Variants in PIP5K1C observed in about 807,000 individuals in gnomAD.
PIP5K1C encodes phosphatidylinositol-4-phosphate 5-kinase type 1 gamma.
PIP5K1C carries 45 observed loss-of-function variants against 80.1 expected under a neutral mutation model. The ratio of observed to expected loss-of-function variants is 0.56; its 90% confidence interval spans 0.44 to 0.72. The LOEUF (loss-of-function observed/expected upper bound fraction) is 0.72. Ranked by LOEUF, PIP5K1C falls within the 30% of genes least tolerant of loss-of-function variation. PIP5K1C has a pLI of 0.00. For missense variants in PIP5K1C, 753 were observed against 954.6 expected, an observed-to-expected ratio of 0.79 and a Z score of 2.78; for synonymous variants, 498 against 420.1, an observed-to-expected ratio of 1.19 and a Z score of -2.27.
At chr19:3,680,173 A>AT (rs1175166221) in intron 1 of PIP5K1C, among the ~76,000 whole-genome samples, 1 of 152,082 alleles carries the variant, frequency 6.6e-6, no homozygotes, top group Non-Finnish European at 1.5e-5. Flanking sequence ...GTGTCAGGTG[A>AT]TTGTCTGTTG....
chr19:3,696,773 T>A lies in PIP5K1C; in HGVS notation c.94+3524A>T, dbSNP rs2036120667. The stretch of plus-strand genomic sequence containing the variant: ...AGGGCAGGGAGGGCCCGGGGCAGGC[T>A]GTGCAGGGCCTGATGGGCTTCAAAG... On this transcript the variant is annotated intron_variant, in intron 1 of 17. Coordinates refer to ENST00000335312, the MANE Select transcript of PIP5K1C (RefSeq NM_012398.3). The surrounding 1 kb of genome is among the most constrained non-coding windows in gnomAD (Gnocchi z 4.1). Among the ~76,000 whole-genome samples the A allele has an allele frequency of 6.6e-6, 1 of 151,448 alleles. No individual in the cohort carries two copies.
Position 3,700,289 on chromosome 19 carries a change from G to T in PIP5K1C, c.94+8C>A. 1 of 1,268,702 alleles carries T rather than the reference G, an allele frequency of 7.9e-7. No homozygotes were observed. 78.6% of individuals were successfully genotyped at this position (1,268,702 alleles called of 1,614,324 possible). A position where few individuals can be genotyped will look rare whatever the true frequency, so the allele number is the denominator to read the frequency against. ...GCGGGCCGCAGCCCCGGGAGGCCGG[G>T]CCGTTACCTGCCGCCGCCCCGCTCT... On this transcript the variant is annotated splice_region_variant and intron_variant, in intron 1 of 17. Coordinates refer to ENST00000335312, the MANE Select transcript of PIP5K1C (RefSeq NM_012398.3).
rs780976501 is a variant in PIP5K1C, at chr19:3,633,444, C to T, written c.1997G>A (p.Ser666Asn). The change falls in exon 17 of 18, where the codon AGC (serine) becomes AAC (asparagine). Residue 666 changes from serine to asparagine, a missense_variant. Ser to Asn is a conservative substitution (Grantham distance 46). Transcript: ENST00000335312. The part of the protein sequence containing the change: ...AQAPPASDGE[S>N]DT ...CACCTGGGCTGCACTTACTGTGTCG[C>T]TCTCGCCGTCGGAGGCCGGGGGGGC... 54 of 1,497,952 alleles carry T rather than the reference C, an allele frequency of 3.6e-5. No individual in the cohort carries two copies. The South Asian group carries it at 5.8e-4, about 16-fold the overall frequency. 92.8% of individuals were successfully genotyped at this position (1,497,952 alleles called of 1,614,324 possible).
rs1407315353 is a variant in PIP5K1C at position 3,637,840 on chromosome 19, C to CA, written c.1920+1043dup. On this transcript the variant is annotated intron_variant, in intron 16 of 17. Coordinates refer to ENST00000335312, the MANE Select transcript of PIP5K1C (RefSeq NM_012398.3). This position sits in a 1 kb window ranked among gnomAD's most constrained non-coding sequence, Gnocchi z 7.0. ...GGCAGGGCATCAGGACACAGACACA[C>CA]AGCACGACATGGCCCCCAGGCCCCC... The CA allele has an allele frequency of 6.5e-7, 1 of 1,535,262 alleles. No homozygotes were observed. Among genetic ancestry groups the CA allele is most frequent in the East Asian group, 2.4e-5 (1 of 40,914 alleles).
rs956846454 is a variant in PIP5K1C at position 3,696,188 on chromosome 19, C to A, written c.94+4109G>T. Among the ~76,000 whole-genome samples, 8 of 152,248 alleles carry A rather than the reference C, an allele frequency of 5.3e-5. No homozygotes were observed. The highest frequency in any genetic ancestry group is 1.9e-4 in the African/African-American group (8 of 41,458). ...CTCTTCCTGCCCAATGCCCACAGGT[C>A]TCCCTCGGATGCCACCTTCTTGGCA... On this transcript the variant is annotated intron_variant, in intron 1 of 17. Coordinates refer to ENST00000335312, the MANE Select transcript of PIP5K1C (RefSeq NM_012398.3). The surrounding 1 kb of genome is among the most constrained non-coding windows in gnomAD (Gnocchi z 4.1).
In PIP5K1C at chr19:3,648,348, C is replaced by T. The variant is rs2034314356; in HGVS notation, c.1211+277G>A. Reference sequence around the variant, plus strand: ...ACTCTAGATTTTCAAGGCGACCAAACACCTTCCCTTTAGGGCTCAAGAAGG... The same window carrying T: ...ACTCTAGATTTTCAAGGCGACCAAATACCTTCCCTTTAGGGCTCAAGAAGG... On this transcript the variant is annotated intron_variant, in intron 9 of 17. Coordinates refer to ENST00000335312, the MANE Select transcript of PIP5K1C (RefSeq NM_012398.3). This position sits in a 1 kb window ranked among gnomAD's most constrained non-coding sequence, Gnocchi z 4.3. Among the ~76,000 whole-genome samples the T allele has an allele frequency of 6.6e-6, 1 of 152,210 alleles. No individual in the cohort carries two copies. The highest frequency in any genetic ancestry group is 1.5e-5 in the Non-Finnish European group (1 of 68,034).
intron 11 of PIP5K1C, among the ~76,000 whole-genome samples, chr19:3,645,074 T>C (rs1015610104): frequency 2.8e-4 from 42 of 152,288 alleles, no homozygotes; most frequent in African/African-American, 9.6e-4. Context: ...ACGGTGTTGA[T>C]GAGAGGGGGT....
At chr19:3,700,209 G>T in intron 1 of PIP5K1C, 88 bp downstream of exon 1, 1 of 750,174 alleles carries the variant, frequency 1.3e-6, no homozygotes, top group Non-Finnish European at 1.7e-6. Flanking sequence ...CAGCGACCGT[G>T]CAGCCCCCGC....
At chr19:3,689,154 G>C (rs2035868199) in intron 1 of PIP5K1C, among the ~76,000 whole-genome samples, 2 of 152,154 alleles carry the variant, frequency 1.3e-5, no homozygotes. Flanking sequence ...GCCTCCCAAA[G>C]TGCTGGGATT....
At chr19:3,679,183 GAA>G (rs2035511598) in intron 1 of PIP5K1C, among the ~76,000 whole-genome samples, 2 of 152,084 alleles carry the variant, frequency 1.3e-5, no homozygotes, top group Non-Finnish European at 2.9e-5. Context: ...TTCAAGCTCT[GAA>G]GAAACACGGT....
intron 1 of PIP5K1C, among the ~76,000 whole-genome samples, chr19:3,685,513 G>A (rs1391683120): frequency 6.6e-6 from 1 of 152,008 alleles, no homozygotes; most frequent in African/African-American, 2.4e-5. Context: ...GGCGGATCAC[G>A]AGGTCAGGAG....
At position 3,648,688 on chromosome 19, in the gene PIP5K1C, A is replaced by G. The variant is rs1489575349; in HGVS notation, c.1148T>C (p.Val383Ala). The G allele has an allele frequency of 1.2e-6, 2 of 1,612,954 alleles. No homozygotes were observed. The highest frequency in any genetic ancestry group is 2.2e-5 in the South Asian group (2 of 91,082). Residue 383 changes from valine to alanine, a missense_variant, in exon 9 of 18, where the codon GTG becomes GCG. Around this residue, in one of 6 missense-constraint regions of PIP5K1C, gnomAD observed 114 missense variants for 152.4 expected, o/e 0.75. Transcript: ENST00000335312. This position sits in a 1 kb window ranked among gnomAD's most constrained non-coding sequence, Gnocchi z 4.3. The stretch of plus-strand genomic sequence containing the variant: ...CAGCAGCCGCTCCCCGCGGCCGTTC[A>G]CAGCGGGGATCCCGCCCATCCTGGG... Reference protein sequence around the residue: ...SDDTMGGIPAVNGRGERLLLH... With the variant: ...SDDTMGGIPAANGRGERLLLH...
intron 1 of PIP5K1C, among the ~76,000 whole-genome samples, chr19:3,685,792 T>C (rs2035742322): frequency 6.6e-6 from 1 of 151,960 alleles, no homozygotes; most frequent in Non-Finnish European, 1.5e-5. Context: ...ATTGTCTGGC[T>C]CCTTAAGTGC....
chr19:3,648,329 G>T lies in PIP5K1C; in HGVS notation c.1211+296C>A, dbSNP rs147446863. On this transcript the variant is annotated intron_variant, in intron 9 of 17. Transcript: ENST00000335312. This position sits in a 1 kb window ranked among gnomAD's most constrained non-coding sequence, Gnocchi z 4.3. ...GGACCACTACGCCCAACTCACTCTA[G>T]ATTTTCAAGGCGACCAAACACCTTC... Among the ~76,000 whole-genome samples the T allele has an allele frequency of 6.6e-6, 1 of 152,306 alleles. No homozygotes were observed. Among genetic ancestry groups the T allele is most frequent in the Non-Finnish European group, 1.5e-5 (1 of 68,030 alleles).
At chr19:3,698,445 A>C (rs1412001655) in intron 1 of PIP5K1C, among the ~76,000 whole-genome samples, 1 of 152,124 alleles carries the variant, frequency 6.6e-6, no homozygotes, top group Non-Finnish European at 1.5e-5. Flanking sequence ...AACCGATACC[A>C]ACATAGGGTG....
intron 1 of PIP5K1C, among the ~76,000 whole-genome samples, chr19:3,695,900 T>C (rs1001826931): frequency 7.9e-5 from 12 of 151,496 alleles, no homozygotes; most frequent in Non-Finnish European, 1.6e-4. Flanking sequence ...CTTCTTTTAA[T>C]TTTTTTTTAG....
At chr19:3,638,838 G>C (rs1182749655) in intron 16 of PIP5K1C, 46 bp downstream of exon 16, 9 of 1,611,096 alleles carry the variant, frequency 5.6e-6, no homozygotes, top group East Asian at 2.2e-5. Context: ...GTGTGAGAGA[G>C]AGTCCGGTTG....
rs771383965 is a variant in PIP5K1C at position 3,644,217 on chromosome 19, G to A, written c.1380C>T (p.Gly460=). The change falls in exon 12 of 18, where the codon GGC becomes GGT. Residue 460 remains glycine, a synonymous_variant. Transcript: ENST00000335312. ...LKSSPSKKGR[G]GALLAVKPLG... ...GCGGTTTCACAGCTAGCAAGGCTCC[G>A]CCGCGCCCCTTCTTGGAGGGCGAGG... 1.1e-5 allele frequency: 17 copies of A among 1,612,330 alleles called. No individual in the cohort carries two copies. In the African/African-American group the frequency reaches 1.1e-4, roughly 10 times the overall value.
At chr19:3,656,065 C>A (rs765232048) in intron 6 of PIP5K1C, among the ~76,000 whole-genome samples, 1 of 152,220 alleles carries the variant, frequency 6.6e-6, no homozygotes, top group Non-Finnish European at 1.5e-5. Context: ...TGGCAGCTGA[C>A]AGACGCTGCC....
Sources: allele counts gnomAD v4.1 joint callset (sites outside exome capture counted in the v4.1 genomes callset), GRCh38; gene constraint gnomAD v4.1.1; regional missense constraint gnomAD v4.1.1; non-coding constraint Gnocchi (gnomAD v3.1); transcripts MANE v1.5; gene names NCBI Gene and HGNC (gene_info 2026-07-23, HGNC 2026-07-21).